Variants in PTPRM observed in about 807,000 individuals in gnomAD.
PTPRM encodes the protein receptor-type tyrosine-protein phosphatase mu.
In PTPRM, 47 loss-of-function variants were observed where a neutral mutation model predicts 186.7. That is an observed-to-expected ratio of 0.25 (90% CI 0.20 to 0.32). PTPRM has a LOEUF of 0.32. Among genes scored for constraint, PTPRM ranks in the 10% least tolerant of loss-of-function variants. The pLI, the probability that PTPRM is intolerant of heterozygous loss-of-function variation, is 1.00. For missense variants in PTPRM, 1,494 were observed against 1,865.0 expected (o/e 0.80, Z 3.66); for synonymous variants, 668 against 674.9 (o/e 0.99, Z 0.16).
At chr18:7,985,005 A>G (rs190838244) in intron 7 of PTPRM, among the ~76,000 whole-genome samples, 2,536 of 126,352 alleles carry the variant, frequency 0.02, 99 homozygotes, top group African/African-American at 0.077. Flanking sequence ...ATATAATTGT[A>G]TATACATATA....
At chr18:8,248,235 C>T (rs2094495970) in intron 17 of PTPRM, 59 bp downstream of exon 17, 1 of 1,409,636 alleles carries the variant, frequency 7.1e-7, no homozygotes, top group South Asian at 1.2e-5. Flanking sequence ...AGTCAGTGAC[C>T]ACTCTGTAGG....
intron 1 of PTPRM, among the ~76,000 whole-genome samples, chr18:7,757,856 G>C (rs73393528): frequency 0.05 from 7,588 of 152,068 alleles, 588 homozygotes; most frequent in African/African-American, 0.17. Flanking sequence ...CCAAGCCCAG[G>C]GTGAAGAGTG....
At chr18:7,758,208 C>T (rs977793935) in intron 1 of PTPRM, among the ~76,000 whole-genome samples, 10 of 152,144 alleles carry the variant, frequency 6.6e-5, no homozygotes, top group Admixed American at 3.9e-4. Context: ...TGCACAGATA[C>T]GCATTTGTCC....
At position 8,252,408 on chromosome 18, in the gene PTPRM, ATTAT is replaced by A. The variant is rs1239245666; in HGVS notation, c.2555-79_2555-76del. 4 of 1,134,712 alleles carry A rather than the reference ATTAT, an allele frequency of 3.5e-6. No homozygotes were observed. In the East Asian group the frequency reaches 9.4e-5, roughly 27 times the overall value. 70.3% of individuals were successfully genotyped at this position (1,134,712 alleles called of 1,614,324 possible). Reference sequence around the variant, plus strand: ...AAGCATAAAATAAAAACTACCTGTAATTATGCACGCAGTACTATTGCTTATGCCC... The same window carrying A: ...AAGCATAAAATAAAAACTACCTGTAAGCACGCAGTACTATTGCTTATGCCC... On this transcript the variant is annotated intron_variant, in intron 17 of 32. Transcript: ENST00000580170.
chr18:8,381,262 G>A (rs1479435862), intron 29 of PTPRM, among the ~76,000 whole-genome samples: 2 of 150,978 alleles, frequency 1.3e-5, no homozygotes, highest in Admixed American at 6.6e-5. Flanking sequence ...CACCATGACA[G>A]TAGGCATTAT....
chr18:7,710,811 GTAAAA>G (rs148615508), intron 1 of PTPRM, among the ~76,000 whole-genome samples: 9,359 of 151,870 alleles, frequency 0.062, 740 homozygotes, highest in African/African-American at 0.18. Flanking sequence ...TACCAATAAA[GTAAAA>G]TAAAATAAAA....
intron 1 of PTPRM, among the ~76,000 whole-genome samples, chr18:7,749,834 T>C (rs1174963760): frequency 6.6e-6 from 1 of 152,240 alleles, no homozygotes; most frequent in African/African-American, 2.4e-5. Context: ...TAAGCAATTG[T>C]GTTTTTAAGT....
chr18:8,348,149 G>A (rs1339377633), intron 23 of PTPRM, among the ~76,000 whole-genome samples: 1 of 152,270 alleles, frequency 6.6e-6, no homozygotes, highest in African/African-American at 2.4e-5. Context: ...TACTTAACAT[G>A]TGTACCGCAC....
chr18:8,383,466 T>C (rs1167287882), intron 29 of PTPRM, among the ~76,000 whole-genome samples: 1 of 152,038 alleles, frequency 6.6e-6, no homozygotes, highest in Non-Finnish European at 1.5e-5. Context: ...AGTTCTTCCT[T>C]CCTGACTATT....
At chr18:8,229,486 C>G (rs1210268703) in intron 14 of PTPRM, among the ~76,000 whole-genome samples, 2 of 152,106 alleles carry the variant, frequency 1.3e-5, no homozygotes, top group Non-Finnish European at 2.9e-5. Context: ...TTTTTTAGTT[C>G]TGAAAATAAA....
chr18:7,916,416 A>G (rs1232939914), intron 4 of PTPRM, among the ~76,000 whole-genome samples: 1 of 152,226 alleles, frequency 6.6e-6, no homozygotes, highest in African/African-American at 2.4e-5. Context: ...GAAAGATTAT[A>G]GAAGTTAGTA....
intron 14 of PTPRM, among the ~76,000 whole-genome samples, chr18:8,182,549 A>T (rs2093590005): frequency 6.6e-6 from 1 of 152,198 alleles, no homozygotes; most frequent in Non-Finnish European, 1.5e-5. Flanking sequence ...AATCGGAATT[A>T]CCTAAAGGAC....
intron 1 of PTPRM, among the ~76,000 whole-genome samples, chr18:7,694,956 G>C (rs1372888769): frequency 6.6e-6 from 1 of 152,196 alleles, no homozygotes; most frequent in African/African-American, 2.4e-5. Context: ...CTTAGCTCCT[G>C]TGCTAAGTCT....
chr18:8,134,705 A>G (rs2092597004), intron 13 of PTPRM, among the ~76,000 whole-genome samples: 1 of 152,026 alleles, frequency 6.6e-6, no homozygotes, highest in Non-Finnish European at 1.5e-5. Context: ...TCCTTATTGA[A>G]TTGTTCATTC....
At chr18:7,773,930 C>T (rs2042458048) in intron 1 of PTPRM, among the ~76,000 whole-genome samples, 1 of 152,086 alleles carries the variant, frequency 6.6e-6, no homozygotes, top group African/African-American at 2.4e-5. Context: ...TTTTGGAGAG[C>T]TGCGTAATAC....
intron 3 of PTPRM, among the ~76,000 whole-genome samples, chr18:7,898,514 TG>T (rs2049488021): frequency 6.6e-6 from 1 of 152,206 alleles, no homozygotes; most frequent in Non-Finnish European, 1.5e-5. Context: ...GATAGCCTGA[TG>T]TCAAACCTCT....
chr18:7,897,916 A>G (rs1044053074), intron 3 of PTPRM, among the ~76,000 whole-genome samples: 1 of 152,352 alleles, frequency 6.6e-6, no homozygotes, highest in East Asian at 1.9e-4. Flanking sequence ...TGTTATTGGT[A>G]GGAAAAACAG....
At chr18:8,125,007 G>C (rs900500785) in intron 13 of PTPRM, among the ~76,000 whole-genome samples, 5 of 151,990 alleles carry the variant, frequency 3.3e-5, no homozygotes, top group African/African-American at 1.2e-4. Flanking sequence ...CCTTGGTGTA[G>C]GTGGGCCCTC....
intron 14 of PTPRM, 136 bp from the exon 15 acceptor site, chr18:8,243,922 A>C: frequency 1.2e-6 from 1 of 810,862 alleles, no homozygotes; most frequent in Non-Finnish European, 1.9e-6. Context: ...TGCCACAAAT[A>C]AGGCACTATA....
Sources: gnomAD v4.1 joint callset for allele counts (sites outside exome capture counted in the v4.1 genomes callset) on GRCh38, gnomAD v4.1.1 for gene constraint, MANE v1.5 for transcripts, NCBI Gene and HGNC (gene_info 2026-07-23, HGNC 2026-07-21) for gene names.